The following PCDH12 variants were observed in gnomAD, a reference collection of about 807,000 sequenced individuals.
The protein encoded by PCDH12 is protocadherin 12.
In PCDH12, 45 loss-of-function variants were observed where a neutral mutation model predicts 70.9. The ratio of observed to expected loss-of-function variants is 0.63; its 90% CI spans 0.50 to 0.81. The LOEUF is 0.81. Ranked by LOEUF, PCDH12 falls within the 40% of genes least tolerant of loss-of-function variation. The probability of loss-of-function intolerance (pLI) is 0.00; values close to 1 mark genes in which losing one functional copy is unlikely to be tolerated. For missense variants in PCDH12, 1,370 were observed against 1,491.7 expected, an observed-to-expected ratio of 0.92 and a Z score of 1.34; for synonymous variants, 567 against 626.0, an observed-to-expected ratio of 0.91 and a Z score of 1.41.
intron 1 of PCDH12, among the ~76,000 whole-genome samples, chr5:141,953,943 TCA>T (rs1753132317): frequency 6.6e-6 from 1 of 152,290 alleles, no homozygotes; most frequent in South Asian, 2.1e-4. Flanking sequence ...TATCTGAGGT[TCA>T]CAGAAGCAGA....
chr5:141,955,254 G>C lies in PCDH12; in HGVS notation c.2598C>G (p.Pro866=). Reference sequence around the variant, plus strand: ...GCTGGCCTGTGGCAGGCTGGGGCTCGGGAAGGTTCAGGTTCTCCCGGGAGG... The same window carrying C: ...GCTGGCCTGTGGCAGGCTGGGGCTCCGGAAGGTTCAGGTTCTCCCGGGAGG... ...RNASRENLNL[P]EPQPATGQPR... Residue 866 remains proline (P), a synonymous_variant, in exon 1 of 4, where the codon CCC becomes CCG. Coordinates refer to ENST00000231484, the MANE Select transcript of PCDH12 (RefSeq NM_016580.4). This position sits in a 1 kb window ranked among gnomAD's most constrained non-coding sequence, Gnocchi z 5.5. 6.2e-7 allele frequency: 1 copy of C among 1,614,204 alleles called. No individual in the cohort carries two copies. The highest frequency in any genetic ancestry group is 8.5e-7 in the Non-Finnish European group (1 of 1,180,040).
rs752769310 is a variant in PCDH12 at position 141,955,279 on chromosome 5, G to A, written c.2573C>T (p.Ala858Val). The change falls in exon 1 of 4, where the codon GCC becomes GTC. Residue 858 changes from alanine (A) to valine (V), a missense_variant. By Grantham distance (64) the Ala-to-Val change is moderately conservative (BLOSUM62 0). Transcript: ENST00000231484. The surrounding 1 kb of genome is among the most constrained non-coding windows in gnomAD (Gnocchi z 5.5). ...GGGAAGGTTCAGGTTCTCCCGGGAG[G>A]CATTCCTCTGCCTGGGATGGTTGAA... ...LLFNHPRQRNASRENLNLPEP... is the reference protein window; with the variant it reads ...LLFNHPRQRNVSRENLNLPEP... 19 of 1,614,094 alleles carry A rather than the reference G, an allele frequency of 1.2e-5. No homozygotes were observed. The highest frequency in any genetic ancestry group is 1.6e-5 in the Non-Finnish European group (19 of 1,180,044).
At position 141,945,480 on chromosome 5, in the gene PCDH12, G is replaced by A. The variant is rs760214062; in HGVS notation, c.3456C>T (p.Thr1152=). ...GCACTTTCATGCCTGAGGCTGCACT[G>A]GTGGCCAAGTCTAAACTGAGGGTCC... ...CGRTLSLDLA[T]SAASGMKVQG... is the part of the protein sequence containing the mutation. The change falls in exon 4 of 4, where the codon ACC becomes ACT. Residue 1152 remains threonine (T), a synonymous_variant. Transcript: ENST00000231484. 2 of 1,613,176 alleles carry A rather than the reference G, an allele frequency of 1.2e-6. No homozygotes were observed. Among genetic ancestry groups the A allele is most frequent in the African/African-American group, 1.3e-5 (1 of 74,922 alleles).
intron 3 of PCDH12, among the ~76,000 whole-genome samples, chr5:141,948,492 G>A (rs796484699): frequency 2.0e-5 from 3 of 152,144 alleles, no homozygotes; most frequent in Non-Finnish European, 2.9e-5. Flanking sequence ...AGGGGCGGGG[G>A]GCGCTAGCAG....
Position 141,956,391 on chromosome 5 carries a change from T to C in PCDH12, c.1461A>G (p.Ala487=). Residue 487 remains alanine, a synonymous_variant, in exon 1 of 4, where the codon GCA becomes GCG. Coordinates refer to ENST00000231484, the MANE Select transcript of PCDH12 (RefSeq NM_016580.4). Reference sequence around the variant, plus strand: ...AGACTTTTCCATTAATGCCCAAGTCTGCATCATGAGCCTTGATGGTAATGA... The same window carrying C: ...AGACTTTTCCATTAATGCCCAAGTCCGCATCATGAGCCTTGATGGTAATGA... ...LHLITIKAHD[A]DLGINGKVSY... The C allele has an allele frequency of 1.2e-6, 2 of 1,614,232 alleles. No homozygotes were observed. Among genetic ancestry groups the C allele is most frequent in the Non-Finnish European group, 1.7e-6 (2 of 1,180,032 alleles).
chr5:141,949,206 G>A (rs1753020806), intron 3 of PCDH12: 2 of 487,998 alleles, frequency 4.1e-6, no homozygotes, highest in Non-Finnish European at 2.7e-6. Context: ...CTGTACTCCA[G>A]CCTGGGTGAC....
In PCDH12 at chr5:141,945,397, C is replaced by CTGCTGCTGG; in HGVS notation, c.3538_3539insCCAGCAGCA (p.Ser1179_Ser1180insThrSerSer). The CTGCTGCTGG allele has an allele frequency of 6.2e-7, 1 of 1,611,996 alleles. No individual in the cohort carries two copies. On this transcript the variant is annotated inframe_insertion, in exon 4 of 4. Transcript: ENST00000231484. Reference sequence around the variant, plus strand: ...GAGGTATGTTCACAGGCACCTGCTGCTGCTGCTGCTGCCTCTGCTCTTGCC... The same window carrying CTGCTGCTGG: ...GAGGTATGTTCACAGGCACCTGCTGCTGCTGCTGGTGCTGCTGCTGCCTCTGCTCTTGCC...
chr5:141,945,249 T>G lies in PCDH12; in HGVS notation c.*132A>C, dbSNP rs1596637252. 9.1e-7 allele frequency: 1 copy of G among 1,099,266 alleles called. No individual in the cohort carries two copies. The highest frequency in any genetic ancestry group is 2.4e-5 in the East Asian group (1 of 42,288). The allele number at this position is 1,099,266 out of a possible 1,614,324, so 68.1% of individuals were successfully genotyped here. On this transcript the variant is annotated 3_prime_UTR_variant, in exon 4 of 4. Coordinates refer to ENST00000231484, the MANE Select transcript of PCDH12 (RefSeq NM_016580.4). Reference sequence around the variant, plus strand: ...AGTCCTGGGGCTCTTGCCTCCTCTGTGGGGGTAGCATCAGTCACCCTAAAG... The same window carrying G: ...AGTCCTGGGGCTCTTGCCTCCTCTGGGGGGGTAGCATCAGTCACCCTAAAG...
chr5:141,954,797 G>A (rs1753145963), intron 1 of PCDH12, among the ~76,000 whole-genome samples, 175 bp downstream of exon 1: 1 of 152,214 alleles, frequency 6.6e-6, no homozygotes, highest in African/African-American at 2.4e-5. Context: ...GGATCACACA[G>A]CTAAGTTCAG....
intron 3 of PCDH12, 122 bp from the exon 4 acceptor site, chr5:141,945,927 A>C: frequency 1.1e-6 from 1 of 889,782 alleles, no homozygotes; most frequent in South Asian, 1.7e-5. Flanking sequence ...GGCAGGGGAC[A>C]GACAGAGTGG....
rs1352978469 is a variant in PCDH12, at chr5:141,957,439, C to T, written c.413G>A (p.Gly138Asp). ...INDHQPRFPK[G>D]EQELEISESA... is the part of the protein sequence containing the mutation. ...CTCAGAGATTTCCAGCTCCTGCTCG[C>T]CTTTGGGAAACCGTGGCTGGTGGTC... The change falls in exon 1 of 4, where the codon GGC becomes GAC. Residue 138 changes from glycine (G) to aspartate (D), a missense_variant. By Grantham distance (94) the Gly-to-Asp change is moderately conservative. Coordinates refer to ENST00000231484, the MANE Select transcript of PCDH12 (RefSeq NM_016580.4). This position sits in a 1 kb window ranked among gnomAD's most constrained non-coding sequence, Gnocchi z 4.3. The T allele has an allele frequency of 6.2e-7, 1 of 1,612,528 alleles. No individual in the cohort carries two copies. The highest frequency in any genetic ancestry group is 2.2e-5 in the East Asian group (1 of 44,878).
chr5:141,955,972 T>C lies in PCDH12; in HGVS notation c.1880A>G (p.Asp627Gly). The change falls in exon 1 of 4, where the codon GAC becomes GGC. Residue 627 changes from aspartate (D) to glycine (G), a missense_variant. Coordinates refer to ENST00000231484, the MANE Select transcript of PCDH12 (RefSeq NM_016580.4). This position sits in a 1 kb window ranked among gnomAD's most constrained non-coding sequence, Gnocchi z 5.5. ...LLTTIVARDADSGANGEPLYS... is the reference protein window; with the variant it reads ...LLTTIVARDAGSGANGEPLYS... ...GAGGGGCTCTCCATTTGCCCCCGAG[T>C]CTGCATCTCTTGCCACAATGGTTGT... is the stretch of plus-strand genomic sequence containing the variant. 6.2e-7 allele frequency: 1 copy of C among 1,614,150 alleles called. No homozygotes were observed. The highest frequency in any genetic ancestry group is 8.5e-7 in the Non-Finnish European group (1 of 1,180,036).
At chr5:141,948,866 A>G (rs1484097212) in intron 3 of PCDH12, among the ~76,000 whole-genome samples, 1 of 152,172 alleles carries the variant, frequency 6.6e-6, no homozygotes, top group Non-Finnish European at 1.5e-5. Context: ...AGTGCCTGGC[A>G]TGTTCACTAT....
chr5:141,956,002 AGGAATGGCC>A lies in PCDH12; in HGVS notation c.1841_1849del (p.Arg614_Phe616del). The A allele has an allele frequency of 6.2e-7, 1 of 1,614,184 alleles. No individual in the cohort carries two copies. The highest frequency in any genetic ancestry group is 2.2e-5 in the East Asian group (1 of 44,886). On this transcript the variant is annotated inframe_deletion, in exon 1 of 4. Transcript: ENST00000231484. ...ATCTCTTGCCACAATGGTTGTCAAA[AGGAATGGCC>A]GGGAGCTGTGAGTGGCCAGTGGAGG...
At chr5:141,952,210 G>C (rs1237495913) in intron 1 of PCDH12, among the ~76,000 whole-genome samples, 2 of 152,206 alleles carry the variant, frequency 1.3e-5, no homozygotes, top group Non-Finnish European at 2.9e-5. Flanking sequence ...CCACAGGGAG[G>C]CTGGCTGGAG....
chr5:141,949,898 CATTG>C (rs1464971671), intron 2 of PCDH12, among the ~76,000 whole-genome samples: 3 of 152,192 alleles, frequency 2.0e-5, no homozygotes, highest in Admixed American at 6.5e-5. Context: ...AAGATGAGTT[CATTG>C]ATATCATTCT....
At position 141,949,437 on chromosome 5, in the gene PCDH12, C is replaced by T. The variant is rs953533033; in HGVS notation, c.3125G>A (p.Ser1042Asn). The part of the protein sequence containing the change: ...EEELSSLLDP[S>N]TGLALDRLSA... The stretch of plus-strand genomic sequence containing the variant: ...TAACTCCAGGGGGTCCCTACCTGTG[C>T]TGGGGTCCAGCAGACTTGACAGCTC... Residue 1042 changes from serine to asparagine, a missense_variant, in exon 3 of 4, where the codon AGC becomes AAC. Physicochemically the swap from Ser to Asn is conservative, Grantham distance 46 (BLOSUM62 1). Coordinates refer to ENST00000231484, the MANE Select transcript of PCDH12 (RefSeq NM_016580.4). 4.3e-6 allele frequency: 7 copies of T among 1,612,776 alleles called. No homozygotes were observed. Among genetic ancestry groups the T allele is most frequent in the Non-Finnish European group, 5.9e-6 (7 of 1,179,294 alleles).
rs754174103 is a variant in PCDH12 at position 141,956,490 on chromosome 5, G to A, written c.1362C>T (p.Asn454=). 24 of 1,614,104 alleles carry A rather than the reference G, an allele frequency of 1.5e-5. No homozygotes were observed. Among genetic ancestry groups the A allele is most frequent in the African/African-American group, 9.3e-5 (7 of 74,928 alleles). ...KQLSIQISDI[N]DNAPVFEKSR... ...TTTTCTCAAACACAGGTGCATTGTC[G>A]TTGATGTCACTGATCTGAATGCTGA... Residue 454 remains asparagine, a synonymous_variant, in exon 1 of 4, where the codon AAC becomes AAT. Coordinates refer to ENST00000231484, the MANE Select transcript of PCDH12 (RefSeq NM_016580.4).
rs541681038 is a variant in PCDH12, at chr5:141,946,239, G to A, written c.3131-434C>T. Among the ~76,000 whole-genome samples, 6 of 152,236 alleles carry A rather than the reference G, an allele frequency of 3.9e-5. No individual in the cohort carries two copies. The South Asian group carries it at 8.3e-4, about 21-fold the overall frequency. The stretch of plus-strand genomic sequence containing the variant: ...CCAAGGCTGGAGTTCCTGACTTAGC[G>A]CTGCCTTTTTTGGTTCCCATCCATA... On this transcript the variant is annotated intron_variant, in intron 3 of 3. Coordinates refer to ENST00000231484, the MANE Select transcript of PCDH12 (RefSeq NM_016580.4).
Sources: gnomAD v4.1 joint callset for allele counts (sites outside exome capture counted in the v4.1 genomes callset) on GRCh38, gnomAD v4.1.1 for gene constraint, Gnocchi (gnomAD v3.1) non-coding constraint, MANE v1.5 for transcripts, NCBI Gene and HGNC (gene_info 2026-07-23, HGNC 2026-07-21) for gene names.